VSIG10L2: variants seen among roughly 807,000 people sequenced by gnomAD.
VSIG10L2 encodes V-set and immunoglobulin domain containing 10 like 2, also known as V-set and immunoglobulin domain-containing protein 10-like 2.
A neutral mutation model predicts 67.1 loss-of-function variants in VSIG10L2; 56 were observed. The ratio of observed to expected loss-of-function variants is 0.83; its 90% CI spans 0.67 to 1.04. The LOEUF is 1.04. VSIG10L2 is among the 50% of genes least tolerant of loss of function. The pLI, the probability that VSIG10L2 is intolerant of heterozygous loss-of-function variation, is 0.00. For missense variants in VSIG10L2, 843 were observed against 932.8 expected (o/e 0.90, Z 1.25); for synonymous variants, 360 against 396.6 (o/e 0.91, Z 1.10).
At chr11:125,950,592 T>A (rs1368306999) in intron 4 of VSIG10L2, among the ~76,000 whole-genome samples, 1 of 152,166 alleles carries the variant, frequency 6.6e-6, no homozygotes, top group Non-Finnish European at 1.5e-5. Flanking sequence ...AGAAGGGCGA[T>A]GGCAGTGAGG....
chr11:125,952,576 T>G (rs150454172), intron 6 of VSIG10L2, among the ~76,000 whole-genome samples: 92 of 152,354 alleles, frequency 6.0e-4, no homozygotes, highest in South Asian at 1.2e-3. Flanking sequence ...CTGATCTAGA[T>G]GAAGTGGAAA....
Position 125,953,603 on chromosome 11 carries a change from G to A in VSIG10L2, c.1699G>A (p.Asp567Asn). 8.1e-7 allele frequency: 1 copy of A among 1,232,218 alleles called. No homozygotes were observed. The highest frequency in any genetic ancestry group is 1.0e-6 in the Non-Finnish European group (1 of 988,010). The allele number at this position is 1,232,218 out of a possible 1,614,324, so 76.3% of individuals were successfully genotyped here. The change falls in exon 7 of 12, where the codon GAC becomes AAC. Residue 567 changes from aspartate to asparagine, a missense_variant. By Grantham distance (23) the Asp-to-Asn change is conservative. Transcript: ENST00000686984. ...GCTGCGCCTGGGCATCTACGATGCT[G>A]ACCCGGCACACCACAGGGGCACCTA... ...AQLRLGIYDA[D>N]PAHHRGTYQC...
intron 2 of VSIG10L2, 83 bp from the exon 3 acceptor site, chr11:125,948,222 C>A: frequency 1.6e-6 from 2 of 1,231,920 alleles, no homozygotes; most frequent in South Asian, 4.2e-5. Flanking sequence ...GAGTCCCCAG[C>A]CAGCAGGGGT....
chr11:125,946,304 G>A lies in VSIG10L2; in HGVS notation c.82+167G>A, dbSNP rs960102041. ...TCACTGAGCGACTACTATGTGCCAC[G>A]TAGGTGAGAGCACTCTGCTTAACCT... On this transcript the variant is annotated intron_variant, in intron 1 of 11. Coordinates refer to ENST00000686984, the MANE Select transcript of VSIG10L2 (RefSeq NM_001365077.2). This position sits in a 1 kb window ranked among gnomAD's most constrained non-coding sequence, Gnocchi z 4.4. Among the ~76,000 whole-genome samples, 2 of 152,198 alleles carry A rather than the reference G, an allele frequency of 1.3e-5. No individual in the cohort carries two copies. The highest frequency in any genetic ancestry group is 2.9e-5 in the Non-Finnish European group (2 of 68,046).
chr11:125,947,844 G>A lies in VSIG10L2; in HGVS notation c.241G>A (p.Ala81Thr), dbSNP rs1945317802. 2 of 1,232,250 alleles carry A rather than the reference G, an allele frequency of 1.6e-6. No individual in the cohort carries two copies. The highest frequency in any genetic ancestry group is 1.0e-6 in the Non-Finnish European group (1 of 988,128). The allele number at this position is 1,232,250 out of a possible 1,614,324, so 76.3% of individuals were successfully genotyped here. A position where few individuals can be genotyped will look rare whatever the true frequency, so the allele number is the denominator to read the frequency against. ...PLGSLVPRPV[A>T]VTDGAMSKVE... ...GGGCTCCCTGGTTCCCCGGCCTGTG[G>A]CCGTCACCGATGGAGCCATGTCCAA... Residue 81 changes from alanine (A) to threonine (T), a missense_variant, in exon 2 of 12, where the codon GCC (alanine) becomes ACC (threonine). Ala to Thr is a moderately conservative substitution (Grantham distance 58, BLOSUM62 0). Coordinates refer to ENST00000686984, the MANE Select transcript of VSIG10L2 (RefSeq NM_001365077.2).
intron 6 of VSIG10L2, among the ~76,000 whole-genome samples, 195 bp from the exon 7 acceptor site, chr11:125,953,205 G>A (rs889278314): frequency 5.3e-5 from 8 of 152,258 alleles, no homozygotes; most frequent in African/African-American, 1.2e-4. Context: ...ATATATTAGC[G>A]AGCCCTGGCG....
At chr11:125,954,013 G>A (rs1346553404) in intron 7 of VSIG10L2, 74 bp from the exon 8 acceptor site, 1 of 1,192,662 alleles carries the variant, frequency 8.4e-7, no homozygotes, top group Non-Finnish European at 1.0e-6. Flanking sequence ...CTCTTGACAG[G>A]AGCAAATCTG....
chr11:125,947,412 G>C, intron 1 of VSIG10L2: 4 of 985,358 alleles, frequency 4.1e-6, no homozygotes, highest in Non-Finnish European at 4.8e-6. Context: ...CTTTTGGATG[G>C]TCTAGTGACC....
At chr11:125,953,013 C>T (rs1945398777) in intron 6 of VSIG10L2, among the ~76,000 whole-genome samples, 1 of 152,116 alleles carries the variant, frequency 6.6e-6, no homozygotes, top group Non-Finnish European at 1.5e-5. Context: ...AATCTGAGCA[C>T]CTGCTATGGT....
Position 125,947,764 on chromosome 11 carries a change from T to C in VSIG10L2, c.161T>C (p.Leu54Pro), listed in dbSNP as rs1945316927. Residue 54 changes from leucine to proline, a missense_variant, in exon 2 of 12, where the codon CTG (leucine) becomes CCG (proline). By Grantham distance (98) the Leu-to-Pro change is moderately conservative. Coordinates refer to ENST00000686984, the MANE Select transcript of VSIG10L2 (RefSeq NM_001365077.2). ...VQGVRGGSVE[L>P]ACGSGPAPLL... The stretch of plus-strand genomic sequence containing the variant: ...GGAGTGCGAGGTGGCTCCGTGGAGC[T>C]GGCCTGTGGCTCAGGGCCTGCCCCG... 1.6e-6 allele frequency: 2 copies of C among 1,232,392 alleles called. No homozygotes were observed. Among genetic ancestry groups the C allele is most frequent in the Middle Eastern group, 3.1e-4 (1 of 3,208 alleles). The allele number at this position is 1,232,392 out of a possible 1,614,324, so 76.3% of individuals were successfully genotyped here. A position where few individuals can be genotyped will look rare whatever the true frequency, so the allele number is the denominator to read the frequency against.
chr11:125,954,104 A>C lies in VSIG10L2; in HGVS notation c.1804A>C (p.Asn602His). The C allele has an allele frequency of 8.1e-7, 1 of 1,232,168 alleles. No individual in the cohort carries two copies. The highest frequency in any genetic ancestry group is 3.1e-4 in the Middle Eastern group (1 of 3,208). The allele number at this position is 1,232,168 out of a possible 1,614,324, so 76.3% of individuals were successfully genotyped here. The change falls in exon 8 of 12, where the codon AAT (asparagine) becomes CAT (histidine). Residue 602 changes from asparagine (N) to histidine (H), a missense_variant. Physicochemically the swap from Asn to His is moderately conservative, Grantham distance 68. Around this residue, in one of 2 missense-constraint regions of VSIG10L2, gnomAD observed 397 missense variants for 384.4 expected, o/e 1.03. Transcript: ENST00000686984. ...LEVLRYPAPP[N>H]VTISRLTYGR... is the part of the protein sequence containing the mutation. Reference sequence around the variant, plus strand: ...TCACCCAGGATATCCAGCTCCTCCCAATGTCACCATCAGCCGCCTGACCTA... The same window carrying C: ...TCACCCAGGATATCCAGCTCCTCCCCATGTCACCATCAGCCGCCTGACCTA...
chr11:125,955,606 C>T lies in VSIG10L2; in HGVS notation c.2232-9C>T, dbSNP rs1190696096. 1 of 1,528,344 alleles carries T rather than the reference C, an allele frequency of 6.5e-7. No homozygotes were observed. The highest frequency in any genetic ancestry group is 8.8e-7 in the Non-Finnish European group (1 of 1,142,704). The allele number at this position is 1,528,344 out of a possible 1,614,324, so 94.7% of individuals were successfully genotyped here. ...TGCCACTAACTTTACTCTCCCACTT[C>T]ACTCTCAGGGAGCAAAGGCACCAAC... is the stretch of plus-strand genomic sequence containing the variant. On this transcript the variant is annotated splice_polypyrimidine_tract_variant and intron_variant, in intron 10 of 11. Coordinates refer to ENST00000686984, the MANE Select transcript of VSIG10L2 (RefSeq NM_001365077.2).
intron 4 of VSIG10L2, 68 bp from the exon 5 acceptor site, chr11:125,950,842 C>A (rs1945358379): frequency 1.6e-6 from 2 of 1,229,528 alleles, no homozygotes; most frequent in Non-Finnish European, 2.0e-6. Flanking sequence ...GACTCCCCTG[C>A]CTGGGCCTGG....
Position 125,951,891 on chromosome 11 carries a change from C to T in VSIG10L2, c.1313C>T (p.Pro438Leu). ...DQFIMLSCEWPGGEPPATLGW... is the reference protein window; with the variant it reads ...DQFIMLSCEWLGGEPPATLGW... ...TTCATCATGCTGAGCTGCGAGTGGC[C>T]TGGCGGCGAGCCCCCTGCCACGCTG... Residue 438 changes from proline (P) to leucine (L), a missense_variant, in exon 6 of 12, where the codon CCT becomes CTT. By Grantham distance (98) the Pro-to-Leu change is moderately conservative (BLOSUM62 -3). Coordinates refer to ENST00000686984, the MANE Select transcript of VSIG10L2 (RefSeq NM_001365077.2). 1 of 1,535,072 alleles carries T rather than the reference C, an allele frequency of 6.5e-7. No individual in the cohort carries two copies. Among genetic ancestry groups the T allele is most frequent in the South Asian group, 1.2e-5 (1 of 83,952 alleles).
intron 3 of VSIG10L2, 97 bp from the exon 4 acceptor site, chr11:125,949,917 C>G (rs1945343191): frequency 4.2e-6 from 5 of 1,178,120 alleles, no homozygotes; most frequent in Non-Finnish European, 5.3e-6. Context: ...GTGCATACTA[C>G]ATGCCCCTAG....
At chr11:125,952,143 GA>G in intron 6 of VSIG10L2, 70 bp downstream of exon 6, 13 of 1,462,744 alleles carry the variant, frequency 8.9e-6, no homozygotes, top group Non-Finnish European at 1.1e-5. Context: ...TCAGGATAAA[GA>G]GATCTTAGGG....
At position 125,946,063 on chromosome 11, in the gene VSIG10L2, G is replaced by T. The variant is rs940609628; in HGVS notation, c.8G>T (p.Gly3Val). MV[G>V]QRAQHSPVSL... ...CATCAGGGAGATGGGGCCATGGTGG[G>T]TCAGAGGGCCCAGCACAGCCCAGTC... Residue 3 changes from glycine to valine, a missense_variant, in exon 1 of 12, where the codon GGT (glycine) becomes GTT (valine). Physicochemically the swap from Gly to Val is moderately radical, Grantham distance 109. Coordinates refer to ENST00000686984, the MANE Select transcript of VSIG10L2 (RefSeq NM_001365077.2). The surrounding 1 kb of genome is among the most constrained non-coding windows in gnomAD (Gnocchi z 4.4). 26 of 399,158 alleles carry T rather than the reference G, an allele frequency of 6.5e-5. No individual in the cohort carries two copies. Among genetic ancestry groups the T allele is most frequent in the Non-Finnish European group, 1.0e-4 (23 of 226,360 alleles). The allele number at this position is 399,158 out of a possible 1,614,324, so 24.7% of individuals were successfully genotyped here.
At chr11:125,947,352 C>T in intron 1 of VSIG10L2, 1 of 897,470 alleles carries the variant, frequency 1.1e-6, no homozygotes, top group Non-Finnish European at 1.3e-6. Context: ...CCCCTCACCA[C>T]CACTGGGAGT....
rs57163186 is a variant in VSIG10L2, at chr11:125,946,242, C to T, written c.82+105C>T. The T allele has an allele frequency of 3.5e-5, 14 of 397,860 alleles. No individual in the cohort carries two copies. Among genetic ancestry groups the T allele is most frequent in the East Asian group, 3.2e-4 (9 of 28,046 alleles). 24.6% of individuals were successfully genotyped at this position (397,860 alleles called of 1,614,324 possible). On this transcript the variant is annotated intron_variant, in intron 1 of 11. Transcript: ENST00000686984. This position sits in a 1 kb window ranked among gnomAD's most constrained non-coding sequence, Gnocchi z 4.4. The stretch of plus-strand genomic sequence containing the variant: ...CTTTTGCACTCCATTCCATGAAGTC[C>T]GTTCAGTCATTCATCGGCTAGACAT...
Sources: gnomAD v4.1 joint callset for allele counts (sites outside exome capture counted in the v4.1 genomes callset) on GRCh38, gnomAD v4.1.1 for gene constraint, gnomAD v4.1.1 regional missense constraint, Gnocchi (gnomAD v3.1) non-coding constraint, MANE v1.5 for transcripts, NCBI Gene and HGNC (gene_info 2026-07-23, HGNC 2026-07-21) for gene names.